Variants in CTNNA3 observed in about 807,000 individuals in gnomAD.
The protein encoded by CTNNA3 is catenin alpha-3.
A neutral mutation model predicts 95.7 loss-of-function variants in CTNNA3; 76 were observed. That is an observed-to-expected ratio of 0.79 (90% CI 0.66 to 0.96). The LOEUF is 0.96. Among genes scored for constraint, CTNNA3 ranks in the 40% least tolerant of loss-of-function variants. The pLI is 0.00. For missense variants in CTNNA3, 1,191 were observed against 1,089.8 expected (o/e 1.09, Z -1.31); for synonymous variants, 431 against 374.4 (o/e 1.15, Z -1.74).
At chr10:66,785,680 G>T (rs1260269596) in intron 7 of CTNNA3, among the ~76,000 whole-genome samples, 1 of 152,128 alleles carries the variant, frequency 6.6e-6, no homozygotes, top group African/African-American at 2.4e-5. Flanking sequence ...GGCTTCCCAA[G>T]TTCTCCAGCT....
At position 66,602,820 on chromosome 10, in the gene CTNNA3, T is replaced by C. The variant is rs146943186; in HGVS notation, c.1374+18872A>G. Among the ~76,000 whole-genome samples, 349 of 152,196 alleles carry C rather than the reference T, an allele frequency of 2.3e-3. 1 individual carries two copies. Among genetic ancestry groups the C allele is most frequent in the African/African-American group, 7.9e-3 (329 of 41,560 alleles). On this transcript the variant is annotated intron_variant, in intron 10 of 17. Coordinates refer to ENST00000433211, the MANE Select transcript of CTNNA3 (RefSeq NM_013266.4). ...GCAAATCAAAAAATGTGATACAGCA[T>C]ATCAACAGAATCAAGGACAAAAACC...
intron 3 of CTNNA3, among the ~76,000 whole-genome samples, chr10:67,555,235 G>A (rs572457559): frequency 3.5e-4 from 53 of 152,110 alleles, no homozygotes; most frequent in Middle Eastern, 3.4e-3. Context: ...TTGGCAATGC[G>A]GGCTCTTTTT....
intron 14 of CTNNA3, among the ~76,000 whole-genome samples, chr10:66,086,620 C>T (rs946140217): frequency 6.6e-6 from 1 of 152,064 alleles, no homozygotes; most frequent in Non-Finnish European, 1.5e-5. Context: ...AAAAAACTTA[C>T]CATCCACTAT....
At chr10:67,375,464 C>G (rs1342232529) in intron 5 of CTNNA3, among the ~76,000 whole-genome samples, 1 of 151,982 alleles carries the variant, frequency 6.6e-6, no homozygotes, top group African/African-American at 2.4e-5. Context: ...AAAAATTAGC[C>G]TAGCTGGGCG....
chr10:67,469,190 A>T lies in CTNNA3; in HGVS notation c.579+52652T>A, dbSNP rs113386501. Among the ~76,000 whole-genome samples, 252 of 152,324 alleles carry T rather than the reference A, an allele frequency of 1.7e-3. 1 individual carries two copies. Among genetic ancestry groups the T allele is most frequent in the African/African-American group, 5.7e-3 (238 of 41,580 alleles). On this transcript the variant is annotated intron_variant, in intron 5 of 17. Transcript: ENST00000433211. ...CTGCATAAAAAATTTCATGAGAGTT[A>T]CTAAAAGGAGACATACAGTGTTATT...
intron 5 of CTNNA3, among the ~76,000 whole-genome samples, chr10:67,469,333 C>T (rs1847727763): frequency 6.6e-6 from 1 of 152,150 alleles, no homozygotes; most frequent in Admixed American, 6.5e-5. Context: ...ATGAAGGACA[C>T]ATAAATCCCC....
intron 7 of CTNNA3, among the ~76,000 whole-genome samples, chr10:67,095,263 C>G (rs1857915584): frequency 6.6e-6 from 1 of 151,564 alleles, no homozygotes; most frequent in Admixed American, 6.6e-5. Context: ...AATGCACTCT[C>G]AATTACATGG....
intron 9 of CTNNA3, among the ~76,000 whole-genome samples, chr10:66,723,669 T>C (rs1848697508): frequency 1.3e-5 from 2 of 152,164 alleles, no homozygotes; most frequent in Non-Finnish European, 1.5e-5. Context: ...CATCAGTTAA[T>C]AGCCTGTGTT....
intron 7 of CTNNA3, among the ~76,000 whole-genome samples, chr10:67,122,096 A>G (rs1171219375): frequency 2.0e-5 from 3 of 149,830 alleles, no homozygotes; most frequent in African/African-American, 7.3e-5. Context: ...TGGGATGAGG[A>G]TGAGTTCTAG....
At chr10:67,596,271 T>TAAAA (rs770766835) in intron 3 of CTNNA3, among the ~76,000 whole-genome samples, 7 of 152,170 alleles carry the variant, frequency 4.6e-5, no homozygotes, top group Non-Finnish European at 1.0e-4. Context: ...AATAGTCTTT[T>TAAAA]GTTTCCATGT....
At chr10:67,027,812 T>C (rs1338571918) in intron 7 of CTNNA3, among the ~76,000 whole-genome samples, 1 of 152,180 alleles carries the variant, frequency 6.6e-6, no homozygotes, top group Non-Finnish European at 1.5e-5. Context: ...ACAAAGAGTA[T>C]ATTCGTTTTT....
At chr10:67,233,747 A>G (rs1215133035) in intron 5 of CTNNA3, among the ~76,000 whole-genome samples, 1 of 151,326 alleles carries the variant, frequency 6.6e-6, no homozygotes, top group Non-Finnish European at 1.5e-5. Flanking sequence ...AGGATCAACA[A>G]AATTGATAGA....
At chr10:66,024,652 T>C (rs938422684) in intron 15 of CTNNA3, among the ~76,000 whole-genome samples, 1 of 152,158 alleles carries the variant, frequency 6.6e-6, no homozygotes, top group African/African-American at 2.4e-5. Flanking sequence ...ACTAAACTGT[T>C]TGATAATGTA....
chr10:66,106,352 TG>T (rs1409411050), intron 13 of CTNNA3, among the ~76,000 whole-genome samples: 4 of 149,414 alleles, frequency 2.7e-5, no homozygotes, highest in African/African-American at 7.5e-5. Context: ...TGTGTGTGTG[TG>T]TGTGTGTGTG....
intron 7 of CTNNA3, among the ~76,000 whole-genome samples, chr10:66,897,840 T>C (rs1205258580): frequency 6.6e-6 from 1 of 152,102 alleles, no homozygotes; most frequent in Non-Finnish European, 1.5e-5. Context: ...TTTCAAAACT[T>C]CTCTTCAGAA....
At chr10:67,052,945 A>G (rs1353905885) in intron 7 of CTNNA3, among the ~76,000 whole-genome samples, 1 of 152,204 alleles carries the variant, frequency 6.6e-6, no homozygotes, top group Non-Finnish European at 1.5e-5. Context: ...AAAGTGCCAA[A>G]CCATTTACCT....
At chr10:67,623,731 G>C (rs532345802) in intron 2 of CTNNA3, among the ~76,000 whole-genome samples, 1 of 152,230 alleles carries the variant, frequency 6.6e-6, no homozygotes, top group Admixed American at 6.5e-5. Context: ...TTTTGTAGGA[G>C]CCTAGCGCCA....
intron 5 of CTNNA3, among the ~76,000 whole-genome samples, chr10:67,479,739 AAGC>A (rs1848146664): frequency 6.6e-6 from 1 of 152,120 alleles, no homozygotes; most frequent in Admixed American, 6.6e-5. Flanking sequence ...ACCAAAATCA[AAGC>A]AGAACTAAAT....
intron 11 of CTNNA3, among the ~76,000 whole-genome samples, chr10:66,426,852 T>C (rs2093246595): frequency 6.6e-6 from 1 of 151,988 alleles, no homozygotes; most frequent in South Asian, 2.1e-4. Context: ...ATTCCTTTGA[T>C]ACATGTTATA....
Sources: allele counts gnomAD v4.1 joint callset (sites outside exome capture counted in the v4.1 genomes callset), GRCh38; gene constraint gnomAD v4.1.1; transcripts MANE v1.5; gene names NCBI Gene and HGNC (gene_info 2026-07-23, HGNC 2026-07-21).